AGBL1: variants seen among roughly 807,000 people sequenced by gnomAD.
The protein encoded by AGBL1 is cytosolic carboxypeptidase 4.
Under a neutral mutation model 118.9 loss-of-function variants are expected in AGBL1, and 130 were observed. The observed-to-expected ratio is 1.09, with a 90% CI of 0.95 to 1.26. The LOEUF is 1.26. Among genes scored for constraint, AGBL1 ranks in the 50% most tolerant of loss-of-function variants. The probability of loss-of-function intolerance (pLI) is 0.00; values close to 1 mark genes in which losing one functional copy is unlikely to be tolerated. For synonymous variants in AGBL1, 555 were observed against 478.9 expected (o/e 1.16, Z -2.08); for missense variants, 1,584 against 1,298.1 (o/e 1.22, Z -3.38).
chr15:86,870,353 A>C (rs1347671358), intron 22 of AGBL1, among the ~76,000 whole-genome samples: 1 of 151,196 alleles, frequency 6.6e-6, no homozygotes, highest in African/African-American at 2.4e-5. Flanking sequence ...CAAAGTCAGG[A>C]TTTAAGCTTT....
At chr15:86,665,312 A>G (rs1472607264) in intron 21 of AGBL1, among the ~76,000 whole-genome samples, 2 of 150,518 alleles carry the variant, frequency 1.3e-5, no homozygotes, top group Non-Finnish European at 3.0e-5. Context: ...ATTAAACACT[A>G]TTAAGGCTTT....
chr15:86,802,419 C>A (rs1443079612), intron 22 of AGBL1, among the ~76,000 whole-genome samples: 2 of 152,080 alleles, frequency 1.3e-5, no homozygotes, highest in East Asian at 3.9e-4. Context: ...TTACCTGATT[C>A]ATTTCCAGTG....
At chr15:86,283,481 G>A (rs1597677197) in intron 16 of AGBL1, among the ~76,000 whole-genome samples, 1 of 151,942 alleles carries the variant, frequency 6.6e-6, no homozygotes, top group Non-Finnish European at 1.5e-5. Flanking sequence ...GGGGTGGGAT[G>A]GGGAGGTGGG....
At chr15:86,694,204 A>G (rs1235190136) in intron 22 of AGBL1, among the ~76,000 whole-genome samples, 1 of 152,208 alleles carries the variant, frequency 6.6e-6, no homozygotes, top group East Asian at 1.9e-4. Context: ...CATTTTCACA[A>G]TATTGATTTT....
At chr15:86,144,201 A>G (rs553375880) in intron 3 of AGBL1, among the ~76,000 whole-genome samples, 7 of 152,360 alleles carry the variant, frequency 4.6e-5, no homozygotes, top group South Asian at 2.1e-4. Context: ...AAAAAGGAAC[A>G]CTTATACACT....
intron 17 of AGBL1, among the ~76,000 whole-genome samples, chr15:86,379,630 A>T (rs1192022729): frequency 6.6e-6 from 1 of 152,220 alleles, no homozygotes; most frequent in Non-Finnish European, 1.5e-5. Flanking sequence ...CAACAACCCC[A>T]TGAGATAGGG....
chr15:86,650,652 A>C (rs1567103408), intron 21 of AGBL1, among the ~76,000 whole-genome samples: 1 of 152,288 alleles, frequency 6.6e-6, no homozygotes, highest in South Asian at 2.1e-4. Flanking sequence ...CAAAGAAAAA[A>C]AACCCTGAAT....
chr15:86,490,617 G>T (rs905103551), intron 18 of AGBL1, among the ~76,000 whole-genome samples: 44 of 152,060 alleles, frequency 2.9e-4, no homozygotes, highest in Admixed American at 2.9e-3. Context: ...ATGAGGATTT[G>T]CAATCTGCCT....
chr15:86,421,961 G>C (rs544827883), intron 18 of AGBL1, among the ~76,000 whole-genome samples: 1 of 152,254 alleles, frequency 6.6e-6, no homozygotes, highest in South Asian at 2.1e-4. Flanking sequence ...CATGTTCTTA[G>C]AGACCTACAA....
intron 22 of AGBL1, among the ~76,000 whole-genome samples, chr15:86,766,860 CA>C (rs2078103388): frequency 6.6e-6 from 1 of 151,884 alleles, no homozygotes. Context: ...TCTACACACA[CA>C]CACACACACC....
chr15:86,277,451 A>G (rs1287641589), intron 15 of AGBL1, among the ~76,000 whole-genome samples: 3 of 152,096 alleles, frequency 2.0e-5, no homozygotes, highest in African/African-American at 2.4e-5. Context: ...GGATTAGCCC[A>G]TTTTATTTCT....
intron 17 of AGBL1, among the ~76,000 whole-genome samples, chr15:86,376,575 C>A (rs1183746918): frequency 6.6e-6 from 1 of 152,220 alleles, no homozygotes; most frequent in East Asian, 1.9e-4. Context: ...TATTCCCAAC[C>A]AGGGAAGCTC....
At chr15:86,226,701 T>C (rs1252368740) in intron 6 of AGBL1, among the ~76,000 whole-genome samples, 1 of 152,200 alleles carries the variant, frequency 6.6e-6, no homozygotes, top group East Asian at 1.9e-4. Flanking sequence ...CAGCCATGCC[T>C]AGTAGGCTGA....
chr15:86,245,706 G>C (rs1473413709), intron 6 of AGBL1, among the ~76,000 whole-genome samples: 1 of 152,174 alleles, frequency 6.6e-6, no homozygotes, highest in African/African-American at 2.4e-5. Flanking sequence ...AAGTCAAGGA[G>C]TTGAAAAGGT....
At chr15:86,879,259 A>G (rs539166805) in intron 22 of AGBL1, among the ~76,000 whole-genome samples, 67 of 152,282 alleles carry the variant, frequency 4.4e-4, no homozygotes, top group African/African-American at 1.5e-3. Flanking sequence ...TGACAGACCC[A>G]GGTCAACGCA....
chr15:86,365,018 T>TAG (rs2080865850), intron 17 of AGBL1, among the ~76,000 whole-genome samples: 1 of 134,316 alleles, frequency 7.4e-6, no homozygotes, highest in Non-Finnish European at 1.6e-5. Context: ...TACACACACA[T>TAG]ATATATATAC....
intron 21 of AGBL1, among the ~76,000 whole-genome samples, chr15:86,582,665 G>A (rs1381834049): frequency 1.3e-5 from 2 of 152,092 alleles, no homozygotes; most frequent in Admixed American, 1.3e-4. Context: ...TATACACCAT[G>A]GAATACTATG....
chr15:86,962,272 GGA>G (rs2141687547), intron 23 of AGBL1, among the ~76,000 whole-genome samples: 1 of 152,118 alleles, frequency 6.6e-6, no homozygotes, highest in Non-Finnish European at 1.5e-5. Flanking sequence ...GCCAGAAGTG[GGA>G]GAGAGGATTT....
intron 18 of AGBL1, among the ~76,000 whole-genome samples, chr15:86,415,850 A>C (rs1374875676): frequency 3.9e-5 from 6 of 152,184 alleles, no homozygotes; most frequent in Non-Finnish European, 7.4e-5. Flanking sequence ...TTGTGCTCTT[A>C]TAAATGTTAT....
Sources: allele counts gnomAD v4.1 joint callset (sites outside exome capture counted in the v4.1 genomes callset), GRCh38; gene constraint gnomAD v4.1.1; transcripts MANE v1.5; gene names NCBI Gene and HGNC (gene_info 2026-07-23, HGNC 2026-07-21).